Variants in ALDH18A1 observed in about 807,000 individuals in gnomAD.
ALDH18A1 encodes aldehyde dehydrogenase 18 family member A1.
ALDH18A1 carries 44 observed loss-of-function variants against 88.8 expected under a neutral mutation model. That is an observed-to-expected ratio of 0.50 (90% CI 0.39 to 0.64). The LOEUF is 0.64. Ranked by LOEUF, ALDH18A1 falls within the 30% of genes least tolerant of loss-of-function variation. ALDH18A1 has a pLI of 0.00. For synonymous variants in ALDH18A1, 331 were observed against 372.1 expected, an observed-to-expected ratio of 0.89 and a Z score of 1.27; for missense variants, 782 against 1,009.5, an observed-to-expected ratio of 0.77 and a Z score of 3.05.
At chr10:95,620,074 C>T (rs557000502) in intron 12 of ALDH18A1, among the ~76,000 whole-genome samples, 9 of 152,298 alleles carry the variant, frequency 5.9e-5, no homozygotes, top group Middle Eastern at 3.4e-3. Flanking sequence ...CTTCAAATAA[C>T]TCAAACAAAT....
chr10:95,643,251 T>C, intron 2 of ALDH18A1, 45 bp from the exon 3 acceptor site: 3 of 1,588,992 alleles, frequency 1.9e-6, no homozygotes, highest in South Asian at 1.1e-5. Flanking sequence ...AAATACTCAA[T>C]ATAGTTTTTC....
At chr10:95,643,598 A>G (rs1000916018) in intron 2 of ALDH18A1, among the ~76,000 whole-genome samples, 8 of 152,250 alleles carry the variant, frequency 5.3e-5, no homozygotes, top group African/African-American at 1.7e-4. Flanking sequence ...GGATAAAGGG[A>G]AAAAGATTAA....
At position 95,646,251 on chromosome 10, in the gene ALDH18A1, A is replaced by G. The variant is rs148858233; in HGVS notation, c.89-3045T>C. Among the ~76,000 whole-genome samples, 122 of 152,294 alleles carry G rather than the reference A, an allele frequency of 8.0e-4. 1 individual carries two copies. The East Asian group carries it at 0.023, about 28-fold the overall frequency. ...GTACCTCAGGAACACAGGCAGTGGC[A>G]TGCATGTCTGTCCAGGTGATCAAAT... is the stretch of plus-strand genomic sequence containing the variant. On this transcript the variant is annotated intron_variant, in intron 2 of 17. Transcript: ENST00000371224.
chr10:95,633,119 C>G, intron 6 of ALDH18A1, 70 bp from the exon 7 acceptor site: 1 of 1,399,938 alleles, frequency 7.1e-7, no homozygotes, highest in Non-Finnish European at 1.0e-6. Context: ...TGGAAGAACA[C>G]AGCCAAGCTC....
chr10:95,635,228 C>T (rs2097878361), intron 5 of ALDH18A1, among the ~76,000 whole-genome samples: 2 of 151,998 alleles, frequency 1.3e-5, no homozygotes, highest in Admixed American at 1.3e-4. Flanking sequence ...GGACACAGGA[C>T]TAGGTCCAAA....
At chr10:95,642,041 C>T (rs911865451) in intron 3 of ALDH18A1, among the ~76,000 whole-genome samples, 1 of 152,170 alleles carries the variant, frequency 6.6e-6, no homozygotes, top group African/African-American at 2.4e-5. Context: ...TTCAGGTTAG[C>T]AATTTCCCAA....
intron 2 of ALDH18A1, among the ~76,000 whole-genome samples, chr10:95,643,413 G>A (rs1182345018): frequency 1.3e-5 from 2 of 152,098 alleles, no homozygotes; most frequent in African/African-American, 4.8e-5. Flanking sequence ...CAGTATGCAG[G>A]TCATAGGCAC....
At chr10:95,634,638 G>C (rs777265546) in intron 5 of ALDH18A1, among the ~76,000 whole-genome samples, 3 of 152,140 alleles carry the variant, frequency 2.0e-5, no homozygotes, top group Non-Finnish European at 4.4e-5. Flanking sequence ...CTGAAAGGGG[G>C]GCAGAACACA....
intron 15 of ALDH18A1, 69 bp from the exon 16 acceptor site, chr10:95,611,511 AG>A: frequency 6.4e-7 from 1 of 1,564,322 alleles, no homozygotes; most frequent in Non-Finnish European, 8.8e-7. Flanking sequence ...AGGATAGAAC[AG>A]AAAGGTGAGC....
intron 2 of ALDH18A1, among the ~76,000 whole-genome samples, chr10:95,650,680 T>C (rs1056233188): frequency 6.6e-6 from 1 of 152,194 alleles, no homozygotes; most frequent in African/African-American, 2.4e-5. Context: ...GGTGCCATGC[T>C]TTTTGTGCAG....
chr10:95,606,621 C>T lies in ALDH18A1; in HGVS notation c.*141G>A, dbSNP rs1397100070. ...ATCAGCCAAGACTGCTATTGCCAAA[C>T]GGAGCCCAGAAGCATCCAGGTACAC... is the stretch of plus-strand genomic sequence containing the variant. On this transcript the variant is annotated 3_prime_UTR_variant, in exon 18 of 18. Coordinates refer to ENST00000371224, the MANE Select transcript of ALDH18A1 (RefSeq NM_002860.4). 35 of 1,592,542 alleles carry T rather than the reference C, an allele frequency of 2.2e-5. No homozygotes were observed. Among genetic ancestry groups the T allele is most frequent in the African/African-American group, 8.0e-5 (6 of 74,538 alleles).
intron 11 of ALDH18A1, among the ~76,000 whole-genome samples, chr10:95,621,937 A>C (rs556364323): frequency 6.6e-6 from 1 of 152,222 alleles, no homozygotes; most frequent in Non-Finnish European, 1.5e-5. Flanking sequence ...ACTGACATGG[A>C]GAGCTGTCTA....
chr10:95,627,338 T>C, intron 9 of ALDH18A1, 104 bp downstream of exon 9: 1 of 1,481,260 alleles, frequency 6.8e-7, no homozygotes, highest in Non-Finnish European at 9.4e-7. Context: ...TTCAAAACAA[T>C]GCCATATTTC....
chr10:95,654,869 G>C lies in ALDH18A1; in HGVS notation c.-28-1464C>G, dbSNP rs7100702. On this transcript the variant is annotated intron_variant, in intron 1 of 17. Transcript: ENST00000371224. Reference sequence around the variant, plus strand: ...TGAATTCTCCAAAATAACTACAGAAGAGCCAAAGGGTAAAACAATCAAATT... The same window carrying C: ...TGAATTCTCCAAAATAACTACAGAACAGCCAAAGGGTAAAACAATCAAATT... Among the ~76,000 whole-genome samples, 501 of 151,928 alleles carry C rather than the reference G, an allele frequency of 3.3e-3. 2 individuals carry two copies. Among genetic ancestry groups the C allele is most frequent in the African/African-American group, 0.011 (474 of 41,418 alleles).
At chr10:95,616,734 A>G in intron 12 of ALDH18A1, 120 bp from the exon 13 acceptor site, 1 of 1,299,464 alleles carries the variant, frequency 7.7e-7, no homozygotes, top group Non-Finnish European at 1.1e-6. Context: ...TAGAAGGCCT[A>G]TGCTGTTTCA....
At chr10:95,607,822 G>A (rs910958466) in intron 17 of ALDH18A1, among the ~76,000 whole-genome samples, 4 of 152,168 alleles carry the variant, frequency 2.6e-5, no homozygotes, top group Admixed American at 6.5e-5. Flanking sequence ...ACAGTGAGAA[G>A]GAGCTGGCTG....
intron 2 of ALDH18A1, among the ~76,000 whole-genome samples, chr10:95,647,051 C>T (rs1031298679): frequency 6.6e-6 from 1 of 152,138 alleles, no homozygotes; most frequent in African/African-American, 2.4e-5. Context: ...TTTTGCCTTT[C>T]TTTTCTTTTT....
chr10:95,619,469 C>CG (rs2097848859), intron 12 of ALDH18A1, among the ~76,000 whole-genome samples: 1 of 152,008 alleles, frequency 6.6e-6, no homozygotes, highest in Non-Finnish European at 1.5e-5. Context: ...AAAAAGAGCC[C>CG]GCATTGCCAA....
chr10:95,623,993 G>A (rs569656172), intron 11 of ALDH18A1, among the ~76,000 whole-genome samples: 16 of 152,014 alleles, frequency 1.1e-4, no homozygotes, highest in South Asian at 4.2e-4. Context: ...GAGCCACTGC[G>A]CCCAGCAGTA....
Sources: allele counts gnomAD v4.1 joint callset (sites outside exome capture counted in the v4.1 genomes callset), GRCh38; gene constraint gnomAD v4.1.1; transcripts MANE v1.5; gene names NCBI Gene and HGNC (gene_info 2026-07-23, HGNC 2026-07-21).